PLCXD3: variants seen among roughly 807,000 people sequenced by gnomAD.
PLCXD3 encodes phosphatidylinositol specific phospholipase C X domain containing 3, also known as PI-PLC X domain-containing protein 3.
Under a neutral mutation model 25.5 loss-of-function variants are expected in PLCXD3, and 19 were observed. The observed-to-expected ratio is 0.75, with a 90% confidence interval of 0.52 to 1.09. The LOEUF is 1.09. Ranked by LOEUF, PLCXD3 falls within the 50% of genes least tolerant of loss-of-function variation. The pLI is 0.00. For synonymous variants in PLCXD3, 174 were observed against 137.6 expected, an observed-to-expected ratio of 1.26 and a Z score of -1.85; for missense variants, 411 against 388.1, an observed-to-expected ratio of 1.06 and a Z score of -0.50.
intron 1 of PLCXD3, among the ~76,000 whole-genome samples, chr5:41,477,250 T>C (rs1480860517): frequency 6.6e-6 from 1 of 152,194 alleles, no homozygotes; most frequent in Non-Finnish European, 1.5e-5. Flanking sequence ...CTAGTAGTCA[T>C]TGTAGTTTCT....
chr5:41,461,252 A>G (rs987299171), intron 1 of PLCXD3, among the ~76,000 whole-genome samples: 1 of 152,040 alleles, frequency 6.6e-6, no homozygotes, highest in East Asian at 1.9e-4. Flanking sequence ...TAAAAGGAAG[A>G]GAATCCTAAG....
intron 1 of PLCXD3, among the ~76,000 whole-genome samples, chr5:41,504,536 C>T (rs1276888823): frequency 6.6e-6 from 1 of 152,174 alleles, no homozygotes; most frequent in Non-Finnish European, 1.5e-5. Context: ...GCATCAGCAG[C>T]TTCCACAATG....
Position 41,382,347 on chromosome 5 carries a change from A to C in PLCXD3, c.291T>G (p.Leu97=), listed in dbSNP as rs769003296. Residue 97 remains leucine, a synonymous_variant, in exon 2 of 3, where the codon CTT becomes CTG. Coordinates refer to ENST00000377801, the MANE Select transcript of PLCXD3 (RefSeq NM_001005473.3). The part of the protein sequence containing the change: ...QLGAGIRYFD[L]RISTKPRDPD... ...GGTCTCTGGGCTTGGTGGAAATTCGAAGATCAAAATAACGAATTCCAGCTC... is the reference window on the plus strand; with the variant it reads ...GGTCTCTGGGCTTGGTGGAAATTCGCAGATCAAAATAACGAATTCCAGCTC... 6.2e-7 allele frequency: 1 copy of C among 1,613,512 alleles called. No individual in the cohort carries two copies. Among genetic ancestry groups the C allele is most frequent in the Admixed American group, 1.7e-5 (1 of 59,908 alleles).
intron 1 of PLCXD3, among the ~76,000 whole-genome samples, chr5:41,486,581 G>C (rs566658649): frequency 1.3e-5 from 2 of 152,072 alleles, no homozygotes; most frequent in African/African-American, 4.8e-5. Context: ...GCCTCAAATG[G>C]AAAGACAGAA....
intron 1 of PLCXD3, among the ~76,000 whole-genome samples, chr5:41,429,842 T>C (rs1333625441): frequency 1.3e-5 from 2 of 152,074 alleles, no homozygotes; most frequent in Non-Finnish European, 2.9e-5. Flanking sequence ...ATTTGAAGAG[T>C]CAGATAAGGT....
chr5:41,356,768 A>G (rs1054711188), intron 2 of PLCXD3, among the ~76,000 whole-genome samples: 1 of 152,132 alleles, frequency 6.6e-6, no homozygotes, highest in African/African-American at 2.4e-5. Flanking sequence ...TAAAACACGT[A>G]TTTTCCCTTT....
At chr5:41,380,298 T>A (rs536314196) in intron 2 of PLCXD3, among the ~76,000 whole-genome samples, 1 of 152,222 alleles carries the variant, frequency 6.6e-6, no homozygotes, top group African/African-American at 2.4e-5. Context: ...AGCCAACTAG[T>A]CACTGAATCA....
intron 1 of PLCXD3, among the ~76,000 whole-genome samples, chr5:41,452,960 T>G (rs1212142530): frequency 1.3e-5 from 2 of 152,042 alleles, no homozygotes; most frequent in Non-Finnish European, 2.9e-5. Context: ...GTGGAATAGA[T>G]AAATAACCTA....
chr5:41,350,994 T>C (rs1744444595), intron 2 of PLCXD3, among the ~76,000 whole-genome samples: 1 of 152,164 alleles, frequency 6.6e-6, no homozygotes, highest in Non-Finnish European at 1.5e-5. Flanking sequence ...CACCAAACCA[T>C]ACTTTATACT....
chr5:41,464,033 C>A (rs1747953919), intron 1 of PLCXD3, among the ~76,000 whole-genome samples: 1 of 151,978 alleles, frequency 6.6e-6, no homozygotes, highest in African/African-American at 2.4e-5. Context: ...ACCTTAGCTA[C>A]CATAATTGTA....
At position 41,313,556 on chromosome 5, in the gene PLCXD3, T is replaced by G; in HGVS notation, c.*61A>C. On this transcript the variant is annotated 3_prime_UTR_variant, in exon 3 of 3. Coordinates refer to ENST00000377801, the MANE Select transcript of PLCXD3 (RefSeq NM_001005473.3). ...ATAGGAAGATCAGAGTGTTTACAGA[T>G]AGTATGCCCTAATACAATGAGCTTT... 6.3e-7 allele frequency: 1 copy of G among 1,589,798 alleles called. No homozygotes were observed. Among genetic ancestry groups the G allele is most frequent in the Non-Finnish European group, 8.6e-7 (1 of 1,158,998 alleles).
intron 1 of PLCXD3, among the ~76,000 whole-genome samples, chr5:41,443,346 T>G (rs984176376): frequency 6.6e-6 from 1 of 152,038 alleles, no homozygotes; most frequent in Non-Finnish European, 1.5e-5. Flanking sequence ...CCATACCATA[T>G]AGCCTAGGTG....
chr5:41,436,137 C>A (rs545442457), intron 1 of PLCXD3, among the ~76,000 whole-genome samples: 1 of 152,126 alleles, frequency 6.6e-6, no homozygotes, highest in Admixed American at 6.6e-5. Context: ...GGTTAGGCAT[C>A]CATTCTGACT....
intron 1 of PLCXD3, among the ~76,000 whole-genome samples, chr5:41,471,392 G>T (rs1000084159): frequency 2.0e-5 from 3 of 152,158 alleles, no homozygotes; most frequent in African/African-American, 7.2e-5. Flanking sequence ...TGCACTGAAT[G>T]CACTGCAGCC....
intron 1 of PLCXD3, among the ~76,000 whole-genome samples, chr5:41,434,833 A>G (rs1339775990): frequency 6.6e-6 from 1 of 152,136 alleles, no homozygotes; most frequent in Non-Finnish European, 1.5e-5. Context: ...CAGGGCTGCT[A>G]TGCTTGTGCC....
chr5:41,374,825 G>A (rs1291854976), intron 2 of PLCXD3, among the ~76,000 whole-genome samples: 2 of 152,082 alleles, frequency 1.3e-5, no homozygotes, highest in Admixed American at 6.6e-5. Context: ...GACCTGTCTT[G>A]GGACATGGCC....
At chr5:41,491,126 C>T (rs543791440) in intron 1 of PLCXD3, among the ~76,000 whole-genome samples, 1 of 152,100 alleles carries the variant, frequency 6.6e-6, no homozygotes, top group Non-Finnish European at 1.5e-5. Context: ...GAGATTGTGG[C>T]ATGTTGTGTC....
chr5:41,507,978 C>A lies in PLCXD3; in HGVS notation c.103+2446G>T, dbSNP rs149750323. ...TAGTGCTGAGTAATGCAAAAAGGTG[C>A]CAAACCTGTTTTTAAACCTGGTTTT... On this transcript the variant is annotated intron_variant, in intron 1 of 2. Coordinates refer to ENST00000377801, the MANE Select transcript of PLCXD3 (RefSeq NM_001005473.3). 6.9e-4 allele frequency among the ~76,000 whole-genome samples: 105 copies of A among 152,274 alleles called. No individual in the cohort carries two copies. The East Asian group carries it at 0.016, about 23-fold the overall frequency.
chr5:41,453,045 T>C (rs377641868), intron 1 of PLCXD3, among the ~76,000 whole-genome samples: 32 of 152,118 alleles, frequency 2.1e-4, no homozygotes, highest in East Asian at 9.7e-4. Flanking sequence ...TCAGCACTTT[T>C]CAAGTATACA....
Sources: allele counts gnomAD v4.1 joint callset (sites outside exome capture counted in the v4.1 genomes callset), GRCh38; gene constraint gnomAD v4.1.1; transcripts MANE v1.5; gene names NCBI Gene and HGNC (gene_info 2026-07-23, HGNC 2026-07-21).